ARL15: variants seen among roughly 807,000 people sequenced by gnomAD.
ARL15 encodes the protein ARF like GTPase 15, also known as ADP-ribosylation factor-like protein 15.
Under a neutral mutation model 25.2 loss-of-function variants are expected in ARL15, and 19 were observed. That is an observed-to-expected ratio of 0.75 (90% CI 0.53 to 1.10). The LOEUF is 1.10. Ranked by LOEUF, ARL15 falls within the 50% of genes least tolerant of loss-of-function variation. The probability of loss-of-function intolerance (pLI) is 0.00; values close to 1 mark genes in which losing one functional copy is unlikely to be tolerated. For synonymous variants in ARL15, 94 were observed against 86.8 expected (o/e 1.08, Z -0.46); for missense variants, 220 against 246.0 (o/e 0.89, Z 0.71).
intron 4 of ARL15, among the ~76,000 whole-genome samples, chr5:53,994,998 G>C (rs1047335249): frequency 4.6e-5 from 7 of 152,046 alleles, no homozygotes; most frequent in African/African-American, 1.7e-4. Flanking sequence ...TTCTTAATGG[G>C]TGCCAAGACA....
chr5:54,131,413 T>C (rs545157343), intron 3 of ARL15, among the ~76,000 whole-genome samples: 158 of 152,274 alleles, frequency 1.0e-3, no homozygotes, highest in Non-Finnish European at 1.6e-3. Flanking sequence ...GATCTACTTT[T>C]TCCCTATCTT....
intron 1 of ARL15, among the ~76,000 whole-genome samples, chr5:54,172,438 A>G (rs957336209): frequency 6.6e-6 from 1 of 152,260 alleles, no homozygotes; most frequent in Middle Eastern, 3.4e-3. Context: ...AAAGCCATAA[A>G]TGACATTATT....
intron 4 of ARL15, among the ~76,000 whole-genome samples, chr5:53,965,149 A>T (rs1001549053): frequency 6.6e-6 from 1 of 152,218 alleles, no homozygotes; most frequent in African/African-American, 2.4e-5. Context: ...ACACAATTGA[A>T]AGCTAGGTAT....
At chr5:53,933,759 C>T (rs1746272361) in intron 4 of ARL15, among the ~76,000 whole-genome samples, 1 of 149,650 alleles carries the variant, frequency 6.7e-6, no homozygotes, top group Non-Finnish European at 1.5e-5. Context: ...TAATGAGAAT[C>T]TATGCTTTCT....
At chr5:53,938,728 C>T (rs1257202288) in intron 4 of ARL15, among the ~76,000 whole-genome samples, 2 of 152,172 alleles carry the variant, frequency 1.3e-5, no homozygotes, top group Non-Finnish European at 2.9e-5. Flanking sequence ...TTGCAAGTTC[C>T]AGTTACTTGG....
chr5:53,919,208 C>T (rs1313747934), intron 4 of ARL15, among the ~76,000 whole-genome samples: 4 of 152,166 alleles, frequency 2.6e-5, no homozygotes, highest in African/African-American at 9.7e-5. Context: ...AATACTACAT[C>T]GTAAGTCTAC....
At chr5:53,897,583 T>C (rs1744914340) in intron 4 of ARL15, among the ~76,000 whole-genome samples, 2 of 152,226 alleles carry the variant, frequency 1.3e-5, no homozygotes, top group African/African-American at 4.8e-5. Context: ...TGGGTATATA[T>C]CTAGGGATGG....
intron 4 of ARL15, among the ~76,000 whole-genome samples, chr5:53,986,430 A>G (rs1217322955): frequency 6.6e-6 from 1 of 152,228 alleles, no homozygotes; most frequent in African/African-American, 2.4e-5. Flanking sequence ...AAGAGTTCAG[A>G]TCAGATGCCT....
At chr5:54,254,244 A>G (rs1034724603) in intron 1 of ARL15, among the ~76,000 whole-genome samples, 12 of 152,250 alleles carry the variant, frequency 7.9e-5, no homozygotes, top group African/African-American at 2.7e-4. Flanking sequence ...GGAATAGTTA[A>G]GAAGATTGTT....
intron 4 of ARL15, among the ~76,000 whole-genome samples, chr5:54,066,200 T>C (rs1751225597): frequency 6.6e-6 from 1 of 152,154 alleles, no homozygotes; most frequent in Admixed American, 6.6e-5. Flanking sequence ...CTTTCTCCTA[T>C]ACTAGAGACC....
intron 3 of ARL15, among the ~76,000 whole-genome samples, chr5:54,115,875 C>T (rs1752884986): frequency 6.6e-6 from 1 of 152,118 alleles, no homozygotes; most frequent in African/African-American, 2.4e-5. Context: ...AGCAGGGGTA[C>T]TGAGATAAGC....
intron 4 of ARL15, among the ~76,000 whole-genome samples, chr5:54,064,410 A>G (rs564755087): frequency 6.6e-6 from 1 of 152,338 alleles, no homozygotes; most frequent in Admixed American, 6.5e-5. Flanking sequence ...GCTAAAGAAG[A>G]CCAAAGAGGA....
intron 3 of ARL15, among the ~76,000 whole-genome samples, chr5:54,139,629 G>A (rs1440585833): frequency 1.3e-5 from 2 of 152,086 alleles, no homozygotes; most frequent in East Asian, 3.9e-4. Flanking sequence ...ATTCATCCAT[G>A]TAACCAAAAA....
chr5:54,014,808 G>A (rs1028465983), intron 4 of ARL15, among the ~76,000 whole-genome samples: 3 of 151,908 alleles, frequency 2.0e-5, no homozygotes, highest in Admixed American at 6.6e-5. Flanking sequence ...CCTCAAGATC[G>A]TATATAAGCT....
intron 4 of ARL15, among the ~76,000 whole-genome samples, chr5:53,976,039 A>G (rs1747910563): frequency 6.6e-6 from 1 of 152,170 alleles, no homozygotes; most frequent in African/African-American, 2.4e-5. Flanking sequence ...TGTTTATTGG[A>G]AGGAAAGAAA....
At chr5:54,182,823 C>A (rs1327382183) in intron 1 of ARL15, among the ~76,000 whole-genome samples, 18 of 151,672 alleles carry the variant, frequency 1.2e-4, no homozygotes, top group South Asian at 2.1e-4. Flanking sequence ...CTTTTATTTC[C>A]TTGAGCAGTG....
chr5:54,246,855 A>C (rs1387106464), intron 1 of ARL15, among the ~76,000 whole-genome samples: 2 of 149,368 alleles, frequency 1.3e-5, no homozygotes, highest in Admixed American at 1.3e-4. Context: ...CAGAGTACAT[A>C]AAACATATAC....
chr5:53,955,954 C>A (rs1747135268), intron 4 of ARL15, among the ~76,000 whole-genome samples: 1 of 152,040 alleles, frequency 6.6e-6, no homozygotes, highest in Non-Finnish European at 1.5e-5. Context: ...GCATACGAGT[C>A]CCAAAAATAT....
chr5:54,205,727 A>C (rs1408592005), intron 1 of ARL15, among the ~76,000 whole-genome samples: 1 of 152,180 alleles, frequency 6.6e-6, no homozygotes, highest in African/African-American at 2.4e-5. Flanking sequence ...GCTGTGGAGG[A>C]CTAAATATGT....
Sources: allele counts gnomAD v4.1 joint callset (sites outside exome capture counted in the v4.1 genomes callset), GRCh38; gene constraint gnomAD v4.1.1; transcripts MANE v1.5; gene names NCBI Gene and HGNC (gene_info 2026-07-23, HGNC 2026-07-21).